CTNNA3: variants seen among roughly 807,000 people sequenced by gnomAD.
CTNNA3 encodes catenin alpha 3.
Under a neutral mutation model 95.7 loss-of-function variants are expected in CTNNA3, and 76 were observed. The ratio of observed to expected loss-of-function variants is 0.79; its 90% CI spans 0.66 to 0.96. CTNNA3 has a LOEUF of 0.96. Among genes scored for constraint, CTNNA3 ranks in the 40% least tolerant of loss-of-function variants. The pLI, the probability that CTNNA3 is intolerant of heterozygous loss-of-function variation, is 0.00. For missense variants in CTNNA3, 1,191 were observed against 1,089.8 expected, an observed-to-expected ratio of 1.09 and a Z score of -1.31; for synonymous variants, 431 against 374.4, an observed-to-expected ratio of 1.15 and a Z score of -1.74.
chr10:66,832,647 G>A (rs10997401), intron 7 of CTNNA3, among the ~76,000 whole-genome samples: 42,149 of 150,596 alleles, frequency 0.28, 6,815 homozygotes, highest in Non-Finnish European at 0.38. Context: ...AAAAAAGGAA[G>A]AAGAAAAGGT....
At position 67,624,800 on chromosome 10, in the gene CTNNA3, C is replaced by T. The variant is rs77345744; in HGVS notation, c.100-17751G>A. Among the ~76,000 whole-genome samples the T allele has an allele frequency of 0.034, 5,193 of 152,152 alleles. 617 individuals carry two copies. In the East Asian group the frequency reaches 0.44, roughly 13 times the overall value. Reference sequence around the variant, plus strand: ...TCTCTGCATAATCTGGTCAAGCAGACGAGAAAAATCAGTTTGTCTCTTTTT... The same window carrying T: ...TCTCTGCATAATCTGGTCAAGCAGATGAGAAAAATCAGTTTGTCTCTTTTT... On this transcript the variant is annotated intron_variant, in intron 2 of 17. Coordinates refer to ENST00000433211, the MANE Select transcript of CTNNA3 (RefSeq NM_013266.4).
At chr10:67,727,003 A>G (rs1841235310) in intron 1 of CTNNA3, among the ~76,000 whole-genome samples, 1 of 113,740 alleles carries the variant, frequency 8.8e-6, no homozygotes, top group African/African-American at 3.6e-5. Context: ...TATATATAAT[A>G]TATGATACAT....
chr10:66,520,455 T>G (rs1403527308), intron 11 of CTNNA3, 162 bp downstream of exon 11: 3 of 512,388 alleles, frequency 5.9e-6, no homozygotes, highest in Non-Finnish European at 9.9e-6. Context: ...TTTCATCATG[T>G]TGGCCAGGCT....
intron 7 of CTNNA3, among the ~76,000 whole-genome samples, chr10:67,100,975 A>C (rs1332690260): frequency 6.6e-6 from 1 of 151,740 alleles, no homozygotes; most frequent in African/African-American, 2.4e-5. Flanking sequence ...ATCTATATAT[A>C]TTTGACATGT....
chr10:67,040,217 C>T (rs1854307374), intron 7 of CTNNA3, among the ~76,000 whole-genome samples: 1 of 152,126 alleles, frequency 6.6e-6, no homozygotes, highest in Non-Finnish European at 1.5e-5. Context: ...CAGGTGTTCT[C>T]TGTGAACTTG....
chr10:67,389,923 AT>A (rs1280308908), intron 5 of CTNNA3, among the ~76,000 whole-genome samples: 1 of 151,330 alleles, frequency 6.6e-6, no homozygotes, highest in Non-Finnish European at 1.5e-5. Flanking sequence ...GTAGAGGGAA[AT>A]TTATAGCACT....
intron 7 of CTNNA3, among the ~76,000 whole-genome samples, chr10:67,093,750 C>T (rs1372321120): frequency 6.6e-6 from 1 of 151,946 alleles, no homozygotes; most frequent in Non-Finnish European, 1.5e-5. Flanking sequence ...TGAAAAATAC[C>T]ATATGCAGAT....
chr10:67,482,000 T>C (rs1848251342), intron 5 of CTNNA3, among the ~76,000 whole-genome samples: 2 of 152,084 alleles, frequency 1.3e-5, no homozygotes, highest in East Asian at 1.9e-4. Flanking sequence ...ATTTATTAAA[T>C]AGGGAATCCT....
At chr10:67,492,536 C>T (rs796845428) in intron 5 of CTNNA3, among the ~76,000 whole-genome samples, 4 of 152,270 alleles carry the variant, frequency 2.6e-5, no homozygotes, top group African/African-American at 9.6e-5. Flanking sequence ...GTGCTTATGT[C>T]CCAATGGAGA....
chr10:66,318,754 C>T lies in CTNNA3; in HGVS notation c.1733-38133G>A, dbSNP rs548440181. Among the ~76,000 whole-genome samples the T allele has an allele frequency of 3.3e-5, 5 of 152,140 alleles. No individual in the cohort carries two copies. In the South Asian group the frequency reaches 8.3e-4, roughly 25 times the overall value. On this transcript the variant is annotated intron_variant, in intron 12 of 17. Transcript: ENST00000433211. ...ATGCACATGTAAATGCTCTTCAAAG[C>T]TAATTATGCTGCAGTTACCAGGCTC... is the stretch of plus-strand genomic sequence containing the variant.
chr10:67,090,586 T>G (rs952102632), intron 7 of CTNNA3, among the ~76,000 whole-genome samples: 8 of 152,232 alleles, frequency 5.3e-5, no homozygotes, highest in Non-Finnish European at 1.2e-4. Flanking sequence ...ACAAATTATT[T>G]AAACTATCTA....
chr10:66,400,378 T>C (rs1325468443), intron 11 of CTNNA3, among the ~76,000 whole-genome samples: 1 of 152,062 alleles, frequency 6.6e-6, no homozygotes. Context: ...TGTCAAGCTC[T>C]TTTGCCCCAG....
At chr10:66,950,353 A>T (rs1482594275) in intron 7 of CTNNA3, among the ~76,000 whole-genome samples, 1 of 151,386 alleles carries the variant, frequency 6.6e-6, no homozygotes, top group Admixed American at 6.6e-5. Flanking sequence ...GGGAGGAAAA[A>T]ATCTTACATT....
chr10:66,047,919 G>C (rs995607816), intron 15 of CTNNA3, among the ~76,000 whole-genome samples: 2 of 152,026 alleles, frequency 1.3e-5, no homozygotes, highest in East Asian at 3.9e-4. Context: ...CAGCTAACCA[G>C]GGAGGTGAAA....
At chr10:67,680,488 G>A (rs1213091893) in intron 1 of CTNNA3, among the ~76,000 whole-genome samples, 3 of 152,140 alleles carry the variant, frequency 2.0e-5, no homozygotes. Context: ...GGAAAGCTGC[G>A]ATGGGGCTTC....
At chr10:66,052,956 G>GA (rs1009437105) in intron 15 of CTNNA3, among the ~76,000 whole-genome samples, 1 of 151,802 alleles carries the variant, frequency 6.6e-6, no homozygotes, top group Middle Eastern at 3.4e-3. Flanking sequence ...TTTCATTTCT[G>GA]AAAAAAATTC....
intron 8 of CTNNA3, among the ~76,000 whole-genome samples, chr10:66,771,029 G>C (rs1030846383): frequency 5.9e-5 from 9 of 152,078 alleles, no homozygotes; most frequent in African/African-American, 2.2e-4. Flanking sequence ...GTTATTTGAT[G>C]ATGAGGATGA....
At chr10:66,487,482 C>T (rs1379271376) in intron 11 of CTNNA3, among the ~76,000 whole-genome samples, 1 of 151,736 alleles carries the variant, frequency 6.6e-6, no homozygotes, top group Non-Finnish European at 1.5e-5. Context: ...ATTACAGACG[C>T]CCCAAAGTGC....
chr10:67,395,229 T>C (rs992924770), intron 5 of CTNNA3, among the ~76,000 whole-genome samples: 4 of 152,174 alleles, frequency 2.6e-5, no homozygotes, highest in African/African-American at 9.6e-5. Context: ...CTTAAAAGAA[T>C]TGCTTTGCAG....
Sources: gnomAD v4.1 joint callset for allele counts (sites outside exome capture counted in the v4.1 genomes callset) on GRCh38, gnomAD v4.1.1 for gene constraint, MANE v1.5 for transcripts, NCBI Gene and HGNC (gene_info 2026-07-23, HGNC 2026-07-21) for gene names.